The following ABCB4 variants were observed in gnomAD, a reference collection of about 807,000 sequenced individuals.
The protein encoded by ABCB4 is phosphatidylcholine translocator ABCB4.
In ABCB4, 76 loss-of-function variants were observed where a neutral mutation model predicts 145.7. The ratio of observed to expected loss-of-function variants is 0.52; its 90% confidence interval spans 0.43 to 0.63. The LOEUF (loss-of-function observed/expected upper bound fraction) is 0.63. Among genes scored for constraint, ABCB4 ranks in the 30% least tolerant of loss-of-function variants. The pLI, the probability that ABCB4 is intolerant of heterozygous loss-of-function variation, is 0.00. For synonymous variants in ABCB4, 517 were observed against 566.8 expected (o/e 0.91, Z 1.25); for missense variants, 1,234 against 1,553.1 (o/e 0.79, Z 3.45).
intron 26 of ABCB4, among the ~76,000 whole-genome samples, chr7:87,403,946 G>A (rs1807993110): frequency 6.6e-6 from 1 of 152,098 alleles, no homozygotes; most frequent in Admixed American, 6.5e-5. Flanking sequence ...TTTTGAGAGA[G>A]CATTCTAGGC....
chr7:87,427,330 CTGGTCACT>C (rs1809907210), intron 15 of ABCB4, among the ~76,000 whole-genome samples: 2 of 152,030 alleles, frequency 1.3e-5, no homozygotes, highest in Admixed American at 1.3e-4. Context: ...ATCAAAGGGC[CTGGTCACT>C]ACCCACGGGA....
At chr7:87,410,669 C>T (rs891891969) in intron 23 of ABCB4, among the ~76,000 whole-genome samples, 4 of 152,182 alleles carry the variant, frequency 2.6e-5, no homozygotes, top group African/African-American at 9.7e-5. Flanking sequence ...CAAAATCACT[C>T]CTCACTTTTT....
At chr7:87,414,283 T>C (rs775217307) in intron 21 of ABCB4, among the ~76,000 whole-genome samples, 13 of 152,210 alleles carry the variant, frequency 8.5e-5, no homozygotes, top group Non-Finnish European at 1.9e-4. Context: ...TTTGGTTTCC[T>C]GGCCCTGGAC....
chr7:87,431,377 C>T (rs1436250785), intron 15 of ABCB4, 27 bp downstream of exon 15: 1 of 1,613,706 alleles, frequency 6.2e-7, no homozygotes, highest in East Asian at 2.2e-5. Flanking sequence ...GAGCAAATAG[C>T]AGAAAAAATT....
In ABCB4 at chr7:87,417,490, A is replaced by G. The variant is rs1373858244; in HGVS notation, c.2504T>C (p.Ile835Thr). The G allele has an allele frequency of 6.2e-6, 10 of 1,614,166 alleles. No individual in the cohort carries two copies. Among genetic ancestry groups the G allele is most frequent in the Admixed American group, 1.7e-5 (1 of 60,024 alleles). ...TCCAAGGTTAGCTATATTCTGTGCAATTAAAGCCAACCTGGTTCCTGTGGC... is the reference window on the plus strand; with the variant it reads ...TCCAAGGTTAGCTATATTCTGTGCAGTTAAAGCCAACCTGGTTCCTGTGGC... ...QGATGTRLAL[I>T]AQNIANLGTG... Residue 835 changes from isoleucine to threonine, a missense_variant, in exon 21 of 28, where the codon ATT becomes ACT. Ile to Thr is a moderately conservative substitution (Grantham distance 89, BLOSUM62 -1). Around this residue, in one of 7 missense-constraint regions of ABCB4, gnomAD observed 321 missense variants for 332.6 expected, o/e 0.97. Coordinates refer to ENST00000649586, the MANE Select transcript of ABCB4 (RefSeq NM_000443.4).
intron 11 of ABCB4, 36 bp downstream of exon 11, chr7:87,443,627 T>C (rs1225337576): frequency 6.3e-7 from 1 of 1,580,468 alleles, no homozygotes; most frequent in South Asian, 1.1e-5. Flanking sequence ...ACAATCAACC[T>C]CAGTTAGGAA....
chr7:87,411,885 C>G lies in ABCB4; in HGVS notation c.2924+8G>C. 6.2e-7 allele frequency: 1 copy of G among 1,612,454 alleles called. No homozygotes were observed. The highest frequency in any genetic ancestry group is 1.1e-5 in the South Asian group (1 of 91,034). Reference sequence around the variant, plus strand: ...TAGAATAATCTTAATATTTCTAAAGCTACTTACAGAATAACATCTCTGAAG... The same window carrying G: ...TAGAATAATCTTAATATTTCTAAAGGTACTTACAGAATAACATCTCTGAAG... On this transcript the variant is annotated splice_region_variant and intron_variant, in intron 23 of 27. Transcript: ENST00000649586.
intron 24 of ABCB4, among the ~76,000 whole-genome samples, chr7:87,408,652 T>G (rs748493225): frequency 6.6e-6 from 1 of 152,198 alleles, no homozygotes; most frequent in East Asian, 1.9e-4. Context: ...ACTTTCTTTA[T>G]CTCACTCACT....
At chr7:87,469,595 T>C (rs1313733365) in intron 3 of ABCB4, among the ~76,000 whole-genome samples, 4 of 152,144 alleles carry the variant, frequency 2.6e-5, no homozygotes, top group Non-Finnish European at 5.9e-5. Flanking sequence ...GAGAGCCAAA[T>C]CATGAGTGAA....
At position 87,470,007 on chromosome 7, in the gene ABCB4, G is replaced by C. The variant is rs1813245411; in HGVS notation, c.135+2614C>G. On this transcript the variant is annotated intron_variant, in intron 3 of 27. Transcript: ENST00000649586. ...CAGTAACCAAAACAGCATGGTACTG[G>C]TACCAAAACAGAGATATAGACCAAT... 2.0e-5 allele frequency among the ~76,000 whole-genome samples: 3 copies of C among 152,148 alleles called. 1 individual carries two copies. The highest frequency in any genetic ancestry group is 1.3e-4 in the Admixed American group (2 of 15,284).
the ABCB4 span, chr7:87,393,038 T>C: frequency 3.0e-5 from 49 of 1,613,456 alleles, no homozygotes; most frequent in Non-Finnish European, 3.4e-6. Context: ...ACAATGGTTA[T>C]GGATTTTTCT....
chr7:87,465,788 A>G (rs1252240950), intron 3 of ABCB4, among the ~76,000 whole-genome samples: 1 of 152,208 alleles, frequency 6.6e-6, no homozygotes, highest in East Asian at 1.9e-4. Flanking sequence ...CCAGGAAAAC[A>G]GGGTCTGGAG....
intron 2 of ABCB4, among the ~76,000 whole-genome samples, chr7:87,473,665 T>C (rs935483617): frequency 6.6e-6 from 1 of 152,222 alleles, no homozygotes; most frequent in Non-Finnish European, 1.5e-5. Context: ...TGTGGTTTAC[T>C]TATTTAGTAT....
intron 2 of ABCB4, among the ~76,000 whole-genome samples, chr7:87,474,775 T>G (rs936315673): frequency 1.3e-5 from 2 of 151,782 alleles, no homozygotes; most frequent in Non-Finnish European, 2.9e-5. Flanking sequence ...GAGAAAGACA[T>G]GAAGGCAAAG....
chr7:87,469,456 T>C (rs1337124594), intron 3 of ABCB4, among the ~76,000 whole-genome samples: 2 of 152,232 alleles, frequency 1.3e-5, no homozygotes, highest in East Asian at 3.8e-4. Flanking sequence ...ATGACATGAC[T>C]GTATATCTAG....
Position 87,462,884 on chromosome 7 carries a change from T to C in ABCB4, c.160A>G (p.Lys54Glu). 1 of 1,613,976 alleles carries C rather than the reference T, an allele frequency of 6.2e-7. No individual in the cohort carries two copies. ...TLFRYSDWQDKLFMSLGTIMA... is the reference protein window; with the variant it reads ...TLFRYSDWQDELFMSLGTIMA... ...ATGGTACCCAGCGACATAAACAATTTATCCTGCCAATCGGAGTATCGAAAC... is the reference window on the plus strand; with the variant it reads ...ATGGTACCCAGCGACATAAACAATTCATCCTGCCAATCGGAGTATCGAAAC... The change falls in exon 4 of 28, where the codon AAA (lysine) becomes GAA (glutamate). Residue 54 changes from lysine (K) to glutamate (E), a missense_variant. By Grantham distance (56) the Lys-to-Glu change is moderately conservative. Transcript: ENST00000649586.
chr7:87,450,130 G>C (rs374556335), intron 7 of ABCB4, 38 bp from the exon 8 acceptor site: 98 of 1,612,318 alleles, frequency 6.1e-5, no homozygotes, highest in Middle Eastern at 1.6e-4. Flanking sequence ...TTTGTATAGG[G>C]AGAAAAGTTT....
chr7:87,385,839 T>C, the ABCB4 span, among the ~76,000 whole-genome samples: 1 of 152,248 alleles, frequency 6.6e-6, no homozygotes, highest in Non-Finnish European at 1.5e-5. Flanking sequence ...TTTATTGTTT[T>C]GATGTATATT....
chr7:87,452,932 C>A lies in ABCB4; in HGVS notation c.536+12G>T. ...TTTCTATATGAAAGTGTGACATTAACAATGTACCTACTCTGTTAGCCGCGT... is the reference window on the plus strand; with the variant it reads ...TTTCTATATGAAAGTGTGACATTAAAAATGTACCTACTCTGTTAGCCGCGT... On this transcript the variant is annotated intron_variant, in intron 6 of 27. Transcript: ENST00000649586. 1 of 1,612,260 alleles carries A rather than the reference C, an allele frequency of 6.2e-7. No homozygotes were observed. The highest frequency in any genetic ancestry group is 8.5e-7 in the Non-Finnish European group (1 of 1,178,376).
Sources: gnomAD v4.1 joint callset for allele counts (sites outside exome capture counted in the v4.1 genomes callset) on GRCh38, gnomAD v4.1.1 for gene constraint, gnomAD v4.1.1 regional missense constraint, MANE v1.5 for transcripts, NCBI Gene and HGNC (gene_info 2026-07-23, HGNC 2026-07-21) for gene names.